SMAP1: variants seen among roughly 807,000 people sequenced by gnomAD.
SMAP1 encodes the protein stromal membrane-associated protein 1.
In SMAP1, 24 loss-of-function variants were observed where a neutral mutation model predicts 58.5. The ratio of observed to expected loss-of-function variants is 0.41; its 90% CI spans 0.30 to 0.58. SMAP1 has a LOEUF of 0.58. Among genes scored for constraint, SMAP1 ranks in the 20% least tolerant of loss-of-function variants. SMAP1 has a pLI of 0.29. For synonymous variants in SMAP1, 216 were observed against 196.6 expected (o/e 1.10, Z -0.82); for missense variants, 563 against 566.3 (o/e 0.99, Z 0.06).
At chr6:70,717,170 T>C (rs1159293335) in intron 1 of SMAP1, among the ~76,000 whole-genome samples, 2 of 152,196 alleles carry the variant, frequency 1.3e-5, no homozygotes, top group Admixed American at 1.3e-4. Flanking sequence ...AAGATTGGTG[T>C]GTTAGAAGTG....
chr6:70,717,351 C>G (rs924996750), intron 1 of SMAP1, among the ~76,000 whole-genome samples: 2 of 152,226 alleles, frequency 1.3e-5, no homozygotes, highest in Non-Finnish European at 2.9e-5. Context: ...CCAAGACACT[C>G]TTGCTCTTAG....
At chr6:70,835,629 C>A (rs1406286355) in intron 6 of SMAP1, among the ~76,000 whole-genome samples, 4 of 152,272 alleles carry the variant, frequency 2.6e-5, no homozygotes, top group African/African-American at 9.6e-5. Flanking sequence ...GCCTCAGCCT[C>A]CCGAGTAGCT....
At chr6:70,669,464 A>G (rs974608844) in intron 1 of SMAP1, among the ~76,000 whole-genome samples, 5 of 152,248 alleles carry the variant, frequency 3.3e-5, no homozygotes, top group Non-Finnish European at 2.9e-5. Flanking sequence ...ACTTTTCAAT[A>G]TAGTAACTTG....
chr6:70,799,312 G>C lies in SMAP1; in HGVS notation c.576+575G>C, dbSNP rs188375373. 7.7e-4 allele frequency among the ~76,000 whole-genome samples: 117 copies of C among 152,238 alleles called. 1 individual carries two copies. Among genetic ancestry groups the C allele is most frequent in the African/African-American group, 2.6e-3 (110 of 41,564 alleles). ...CAAATTGTAGATGTTTATTCTTTTG[G>C]GGGGAGGAAAGGCTGTGAGCAGCAC... On this transcript the variant is annotated intron_variant, in intron 6 of 10. Coordinates refer to ENST00000370455, the MANE Select transcript of SMAP1 (RefSeq NM_001044305.3).
chr6:70,858,392 AGTT>A (rs1771537502), intron 10 of SMAP1, 163 bp downstream of exon 10: 2 of 598,056 alleles, frequency 3.3e-6, no homozygotes, highest in Admixed American at 3.8e-5. Flanking sequence ...AATATTATGA[AGTT>A]GTATCAGATA....
At chr6:70,856,239 C>T (rs1771416666) in intron 8 of SMAP1, among the ~76,000 whole-genome samples, 1 of 152,094 alleles carries the variant, frequency 6.6e-6, no homozygotes, top group Admixed American at 6.5e-5. Flanking sequence ...TATTAAATAT[C>T]TACATGTTTA....
At chr6:70,823,888 T>C (rs1443468567) in intron 6 of SMAP1, among the ~76,000 whole-genome samples, 4 of 151,930 alleles carry the variant, frequency 2.6e-5, no homozygotes, top group African/African-American at 9.7e-5. Context: ...GTTTTTTTTT[T>C]TTTTTAAATC....
intron 6 of SMAP1, among the ~76,000 whole-genome samples, chr6:70,799,848 T>A (rs1243062303): frequency 2.0e-5 from 3 of 152,198 alleles, no homozygotes; most frequent in Admixed American, 6.5e-5. Flanking sequence ...AATGTCAAAC[T>A]TTTTTCCAAA....
chr6:70,850,982 TCA>T (rs1336269210), intron 7 of SMAP1, among the ~76,000 whole-genome samples: 1 of 152,188 alleles, frequency 6.6e-6, no homozygotes, highest in Non-Finnish European at 1.5e-5. Flanking sequence ...GATAGTTGTC[TCA>T]GTTTAAAATT....
At chr6:70,768,839 T>C (rs559421083) in intron 3 of SMAP1, among the ~76,000 whole-genome samples, 4 of 152,348 alleles carry the variant, frequency 2.6e-5, no homozygotes, top group Non-Finnish European at 2.9e-5. Flanking sequence ...TTAATTGTGA[T>C]ATTAGGGTGT....
At chr6:70,777,137 CT>C in intron 4 of SMAP1, among the ~76,000 whole-genome samples, 1 of 152,244 alleles carries the variant, frequency 6.6e-6, no homozygotes, top group African/African-American at 2.4e-5. Flanking sequence ...TCTCTGTATC[CT>C]CTCTGGTATC....
At position 70,737,503 on chromosome 6, in the gene SMAP1, C is replaced by A. The variant is rs140912850; in HGVS notation, c.252+4992C>A. On this transcript the variant is annotated intron_variant, in intron 2 of 10. Coordinates refer to ENST00000370455, the MANE Select transcript of SMAP1 (RefSeq NM_001044305.3). Reference sequence around the variant, plus strand: ...ACCAGATCCTTCCTATTCTTTAAAGCCCAGCTTAAATCTCTACTTTAATAA... The same window carrying A: ...ACCAGATCCTTCCTATTCTTTAAAGACCAGCTTAAATCTCTACTTTAATAA... 1.2e-3 allele frequency among the ~76,000 whole-genome samples: 179 copies of A among 152,310 alleles called. 1 individual carries two copies. The highest frequency in any genetic ancestry group is 4.2e-3 in the African/African-American group (173 of 41,578).
intron 7 of SMAP1, among the ~76,000 whole-genome samples, chr6:70,849,468 T>C (rs1771106756): frequency 6.6e-6 from 1 of 152,188 alleles, no homozygotes; most frequent in Non-Finnish European, 1.5e-5. Context: ...GACTTGTTTA[T>C]AGTGCAGTGG....
chr6:70,705,853 A>G (rs1767817397), intron 1 of SMAP1, among the ~76,000 whole-genome samples: 1 of 152,214 alleles, frequency 6.6e-6, no homozygotes, highest in East Asian at 1.9e-4. Context: ...AGAGAGGCCT[A>G]TAAAATTTGT....
intron 6 of SMAP1, among the ~76,000 whole-genome samples, chr6:70,801,443 A>T (rs1480861076): frequency 2.6e-5 from 4 of 151,812 alleles, no homozygotes; most frequent in African/African-American, 9.7e-5. Flanking sequence ...AATTGCAAAA[A>T]TTTTCTCCCA....
intron 3 of SMAP1, among the ~76,000 whole-genome samples, chr6:70,767,315 T>C (rs1352883343): frequency 6.6e-6 from 1 of 152,116 alleles, no homozygotes; most frequent in African/African-American, 2.4e-5. Flanking sequence ...GGGATGGCAT[T>C]GAATCTATAA....
intron 6 of SMAP1, among the ~76,000 whole-genome samples, chr6:70,804,123 A>G (rs1769003389): frequency 6.6e-6 from 1 of 152,104 alleles, no homozygotes. Flanking sequence ...GTGAGAGCCT[A>G]AGTCTCTTTG....
chr6:70,734,048 A>G (rs1047773086), intron 2 of SMAP1, among the ~76,000 whole-genome samples: 1 of 152,128 alleles, frequency 6.6e-6, no homozygotes, highest in Non-Finnish European at 1.5e-5. Flanking sequence ...CAGTTATTAA[A>G]TAATAATATT....
At chr6:70,771,957 G>C (rs570311463) in intron 3 of SMAP1, among the ~76,000 whole-genome samples, 39 of 152,270 alleles carry the variant, frequency 2.6e-4, no homozygotes, top group African/African-American at 9.1e-4. Flanking sequence ...CTGGTGGCTG[G>C]AGCTGTCCCG....
Sources: gnomAD v4.1 joint callset for allele counts (sites outside exome capture counted in the v4.1 genomes callset) on GRCh38, gnomAD v4.1.1 for gene constraint, MANE v1.5 for transcripts, NCBI Gene and HGNC (gene_info 2026-07-23, HGNC 2026-07-21) for gene names.